The following SLC10A7 variants were observed in gnomAD, a reference collection of about 807,000 sequenced individuals.
The protein encoded by SLC10A7 is sodium/bile acid cotransporter 7.
SLC10A7 carries 29 observed loss-of-function variants against 43.2 expected under a neutral mutation model. That is an observed-to-expected ratio of 0.67 (90% confidence interval 0.50 to 0.92). The LOEUF (loss-of-function observed/expected upper bound fraction) is 0.92. SLC10A7 is among the 40% of genes least tolerant of loss of function. SLC10A7 has a pLI of 0.00. For synonymous variants in SLC10A7, 152 were observed against 144.8 expected, an observed-to-expected ratio of 1.05 and a Z score of -0.35; for missense variants, 295 against 403.2, an observed-to-expected ratio of 0.73 and a Z score of 2.30.
At chr4:146,268,577 T>C (rs72948688) in intron 10 of SLC10A7, among the ~76,000 whole-genome samples, 2,139 of 152,320 alleles carry the variant, frequency 0.014, 52 homozygotes, top group African/African-American at 0.049. Flanking sequence ...TTGTAGCCAA[T>C]ACTTACACAG....
At chr4:146,260,595 T>C (rs536455428) in intron 10 of SLC10A7, among the ~76,000 whole-genome samples, 2 of 152,324 alleles carry the variant, frequency 1.3e-5, no homozygotes, top group East Asian at 3.9e-4. Flanking sequence ...TAGTCCCAGA[T>C]GCTGCTGCTA....
At chr4:146,519,113 A>G (rs1180600062) in intron 1 of SLC10A7, among the ~76,000 whole-genome samples, 1 of 99,554 alleles carries the variant, frequency 1.0e-5, no homozygotes, top group Non-Finnish European at 2.1e-5. Flanking sequence ...ATATATATAT[A>G]ATATAATATA....
At chr4:146,358,073 CAAA>C (rs57927989) in intron 5 of SLC10A7, among the ~76,000 whole-genome samples, 1 of 134,068 alleles carries the variant, frequency 7.5e-6, no homozygotes, top group Non-Finnish European at 1.6e-5. Context: ...AGCACCCCCA[CAAA>C]AAAAAAAAAA....
intron 4 of SLC10A7, among the ~76,000 whole-genome samples, chr4:146,468,676 G>A (rs1241519500): frequency 6.6e-6 from 1 of 151,950 alleles, no homozygotes; most frequent in Admixed American, 6.6e-5. Flanking sequence ...TGGCCAGGCT[G>A]GTCTTGAACT....
chr4:146,494,557 C>A (rs1196871792), intron 4 of SLC10A7, among the ~76,000 whole-genome samples: 1 of 151,998 alleles, frequency 6.6e-6, no homozygotes, highest in Non-Finnish European at 1.5e-5. Flanking sequence ...GGAAAAGGAA[C>A]CAGACAAGAA....
At chr4:146,447,439 T>A (rs954253359) in intron 4 of SLC10A7, among the ~76,000 whole-genome samples, 1 of 152,178 alleles carries the variant, frequency 6.6e-6, no homozygotes, top group African/African-American at 2.4e-5. Flanking sequence ...TCTTTTGTTA[T>A]TATCTCCTTT....
chr4:146,479,764 A>C (rs544744824), intron 4 of SLC10A7, among the ~76,000 whole-genome samples: 3 of 152,204 alleles, frequency 2.0e-5, no homozygotes, highest in Non-Finnish European at 4.4e-5. Flanking sequence ...TTATTTTACC[A>C]CAATTCAAAA....
intron 7 of SLC10A7, among the ~76,000 whole-genome samples, chr4:146,297,564 G>A (rs1396735830): frequency 6.6e-6 from 1 of 151,972 alleles, no homozygotes; most frequent in Non-Finnish European, 1.5e-5. Flanking sequence ...TTTTGAATAA[G>A]GATATATGAT....
chr4:146,520,271 A>AG (rs33929883), intron 1 of SLC10A7, among the ~76,000 whole-genome samples: 121,289 of 152,086 alleles, frequency 0.8, 48,795 homozygotes, highest in East Asian at 0.96. Flanking sequence ...CTCCGGGGAT[A>AG]GGGGGTCTTC....
chr4:146,283,385 G>T, intron 9 of SLC10A7, 120 bp from the exon 10 acceptor site: 1 of 726,746 alleles, frequency 1.4e-6, no homozygotes, highest in Non-Finnish European at 2.4e-6. Flanking sequence ...GGTGACAGTA[G>T]TAATTCTACA....
At chr4:146,326,930 A>AGT (rs1350499996) in intron 5 of SLC10A7, among the ~76,000 whole-genome samples, 934 of 91,470 alleles carry the variant, frequency 0.01, 8 homozygotes, top group South Asian at 0.032. Context: ...ACACACACAC[A>AGT]CACACACACA....
intron 5 of SLC10A7, among the ~76,000 whole-genome samples, chr4:146,424,196 C>G (rs1448059804): frequency 4.6e-5 from 7 of 152,262 alleles, no homozygotes; most frequent in African/African-American, 1.7e-4. Context: ...GGACTACAAG[C>G]GGGCAACACC....
At chr4:146,444,808 A>G (rs1291743863) in intron 4 of SLC10A7, among the ~76,000 whole-genome samples, 2 of 152,144 alleles carry the variant, frequency 1.3e-5, no homozygotes, top group Admixed American at 6.5e-5. Context: ...GAAATGATTG[A>G]TTAAAGGTTC....
At chr4:146,263,641 C>G (rs1728370988) in intron 10 of SLC10A7, among the ~76,000 whole-genome samples, 1 of 152,282 alleles carries the variant, frequency 6.6e-6, no homozygotes, top group Non-Finnish European at 1.5e-5. Context: ...GATTCTGTGT[C>G]ACCATGGTTG....
At chr4:146,257,448 C>CAT (rs1174599522) in intron 11 of SLC10A7, among the ~76,000 whole-genome samples, 3 of 152,152 alleles carry the variant, frequency 2.0e-5, no homozygotes, top group Non-Finnish European at 4.4e-5. Flanking sequence ...TCTGGAGTGT[C>CAT]ATCACCGTGT....
In SLC10A7 at chr4:146,309,104, T is replaced by C. The variant is rs56715155; in HGVS notation, c.472-3095A>G. Among the ~76,000 whole-genome samples, 971 of 152,242 alleles carry C rather than the reference T, an allele frequency of 6.4e-3. 9 individuals are homozygous for C. Among genetic ancestry groups the C allele is most frequent in the African/African-American group, 0.023 (936 of 41,558 alleles). On this transcript the variant is annotated intron_variant, in intron 6 of 11. Coordinates refer to ENST00000335472, the MANE Select transcript of SLC10A7 (RefSeq NM_001029998.6). Reference sequence around the variant, plus strand: ...TCTAGAATGTTGTTTTCCCCACTTATAACTGGAAAAGTTTGAGTTTTTTTC... The same window carrying C: ...TCTAGAATGTTGTTTTCCCCACTTACAACTGGAAAAGTTTGAGTTTTTTTC...
intron 1 of SLC10A7, among the ~76,000 whole-genome samples, chr4:146,519,159 AAT>A: frequency 7.4e-6 from 1 of 135,148 alleles, no homozygotes; most frequent in African/African-American, 2.7e-5. Flanking sequence ...CATAATATAT[AAT>A]ATATGATACA....
At chr4:146,463,940 A>T (rs1732773871) in intron 4 of SLC10A7, among the ~76,000 whole-genome samples, 1 of 150,570 alleles carries the variant, frequency 6.6e-6, no homozygotes, top group African/African-American at 2.4e-5. Context: ...CTCCCACCTC[A>T]GCCTCCCAAG....
chr4:146,288,716 T>A (rs1412899595), intron 9 of SLC10A7, among the ~76,000 whole-genome samples: 1 of 152,214 alleles, frequency 6.6e-6, no homozygotes, highest in Non-Finnish European at 1.5e-5. Flanking sequence ...CTGATTAACA[T>A]CTCTATTGGG....
Sources: gnomAD v4.1 joint callset for allele counts (sites outside exome capture counted in the v4.1 genomes callset) on GRCh38, gnomAD v4.1.1 for gene constraint, MANE v1.5 for transcripts, NCBI Gene and HGNC (gene_info 2026-07-23, HGNC 2026-07-21) for gene names.